Variants in DMD observed in about 807,000 individuals in gnomAD.
DMD encodes the protein mutant dystrophin.
DMD carries 63 observed loss-of-function variants against 330.1 expected under a neutral mutation model. The ratio of observed to expected loss-of-function variants is 0.19; its 90% CI spans 0.16 to 0.24. The LOEUF (loss-of-function observed/expected upper bound fraction) is 0.24. Among genes scored for constraint, DMD ranks in the 10% least tolerant of loss-of-function variants. The pLI is 1.00. For missense variants in DMD, 3,344 were observed against 2,684.1 expected (o/e 1.25, Z -5.43); for synonymous variants, 1,223 against 959.8 (o/e 1.27, Z -5.07).
chrX:32,065,760 A>G (rs1173626406), intron 44 of DMD, among the ~76,000 whole-genome samples: 1 of 111,916 alleles, frequency 8.9e-6, no homozygotes, highest in African/African-American at 3.2e-5. Context: ...AAGCAGAAAA[A>G]TAATATTCAT....
chrX:31,304,720 C>CA (rs1403897452), intron 62 of DMD, among the ~76,000 whole-genome samples: 2 of 110,532 alleles, frequency 1.8e-5, no homozygotes, highest in Non-Finnish European at 3.8e-5. Context: ...TTGCCTTTTG[C>CA]AAAACAGAAA....
rs59729782 is a variant in DMD, at chrX:33,129,524, CA to C, written c.31+81757del. Among the ~76,000 whole-genome samples, 621 of 101,491 alleles carry C rather than the reference CA, an allele frequency of 6.1e-3. 6 individuals carry two copies. The highest frequency in any genetic ancestry group is 0.021 in the African/African-American group (581 of 27,624). 88.1% of individuals were successfully genotyped at this position (101,491 alleles called of 115,157 possible). On this transcript the variant is annotated intron_variant, in intron 1 of 78. Transcript: ENST00000357033. ...AGCCACAATTTTACAAGGTTTCAAACAAAAAAAAAAACCCACACCTTGTTTT... is the reference window on the plus strand; with the variant it reads ...AGCCACAATTTTACAAGGTTTCAAACAAAAAAAAAACCCACACCTTGTTTT...
At chrX:32,492,796 T>A (rs964732348) in intron 19 of DMD, among the ~76,000 whole-genome samples, 1 of 112,229 alleles carries the variant, frequency 8.9e-6, no homozygotes, top group Non-Finnish European at 1.9e-5. Flanking sequence ...ATAGCTACAT[T>A]AGCACTGATA....
intron 45 of DMD, among the ~76,000 whole-genome samples, chrX:31,933,505 G>GC (rs200470731): frequency 5.6e-4 from 43 of 76,746 alleles, no homozygotes; most frequent in African/African-American, 3.8e-3. Context: ...TAAAATAATT[G>GC]AAAATTTTTT....
At chrX:31,995,726 C>A (rs990470961) in intron 44 of DMD, among the ~76,000 whole-genome samples, 2 of 111,175 alleles carry the variant, frequency 1.8e-5, no homozygotes, top group African/African-American at 6.6e-5. Flanking sequence ...AATGAGTTTT[C>A]TTTTTTGTGA....
chrX:31,169,400 A>T, intron 74 of DMD, 43 bp downstream of exon 74: 1 of 1,058,787 alleles, frequency 9.4e-7, no homozygotes, highest in East Asian at 3.0e-5. Flanking sequence ...GTGCAAGTGT[A>T]TGCACTCTGC....
At chrX:32,137,326 T>A (rs1053832286) in intron 44 of DMD, among the ~76,000 whole-genome samples, 1 of 111,827 alleles carries the variant, frequency 8.9e-6, no homozygotes, top group Non-Finnish European at 1.9e-5. Context: ...CCTTCAAGAA[T>A]CTTAAACCCA....
At chrX:32,095,551 A>G (rs2148039600) in intron 44 of DMD, among the ~76,000 whole-genome samples, 1 of 112,137 alleles carries the variant, frequency 8.9e-6, no homozygotes, top group Non-Finnish European at 1.9e-5. Flanking sequence ...TTAGTAAATT[A>G]TGGATAAAAG....
At chrX:32,339,541 G>T (rs1007978382) in intron 41 of DMD, among the ~76,000 whole-genome samples, 3 of 111,302 alleles carry the variant, frequency 2.7e-5, no homozygotes, top group Admixed American at 9.6e-5. Context: ...CTGCATTCCT[G>T]TGTGGCTGGG....
At chrX:31,155,413 C>G (rs373900713) in intron 74 of DMD, among the ~76,000 whole-genome samples, 1 of 112,288 alleles carries the variant, frequency 8.9e-6, no homozygotes, top group Non-Finnish European at 1.9e-5. Flanking sequence ...TATACCAAAG[C>G]ATGAGCACAC....
At chrX:32,192,877 A>C (rs1188075474) in intron 44 of DMD, among the ~76,000 whole-genome samples, 1 of 112,175 alleles carries the variant, frequency 8.9e-6, no homozygotes, top group Non-Finnish European at 1.9e-5. Context: ...TTTCTGATTA[A>C]ACATGGATAT....
intron 9 of DMD, among the ~76,000 whole-genome samples, chrX:32,660,337 A>T (rs373674075): frequency 1.8e-5 from 2 of 111,231 alleles, no homozygotes; most frequent in South Asian, 3.8e-4. Flanking sequence ...ATATGTACAG[A>T]TATGTGTATA....
At chrX:33,036,102 T>A (rs191876874) in intron 1 of DMD, among the ~76,000 whole-genome samples, 207 of 109,742 alleles carry the variant, frequency 1.9e-3, no homozygotes, top group Non-Finnish European at 3.5e-3. Flanking sequence ...ATTAGTATGA[T>A]GCTTTAGGAT....
At chrX:32,047,690 G>C (rs1208529633) in intron 44 of DMD, among the ~76,000 whole-genome samples, 1 of 111,213 alleles carries the variant, frequency 9.0e-6, no homozygotes, top group Non-Finnish European at 1.9e-5. Context: ...ATGTGAAGTA[G>C]TTGCCAAGAC....
At chrX:32,359,223 G>A (rs1431182571) in intron 37 of DMD, among the ~76,000 whole-genome samples, 3 of 111,774 alleles carry the variant, frequency 2.7e-5, no homozygotes, top group Non-Finnish European at 5.6e-5. Flanking sequence ...CTGGGCTTCG[G>A]AATTTCTTGT....
chrX:33,334,867 T>G (rs940236706), intron 1 of DMD, among the ~76,000 whole-genome samples: 1 of 111,324 alleles, frequency 9.0e-6, no homozygotes, highest in African/African-American at 3.2e-5. Context: ...CAATTTCCAT[T>G]TAGTGCAGAA....
intron 1 of DMD, among the ~76,000 whole-genome samples, chrX:33,089,844 G>A (rs1185369693): frequency 1.8e-5 from 2 of 111,525 alleles, no homozygotes; most frequent in Non-Finnish European, 3.8e-5. Flanking sequence ...GGAGAAAAAT[G>A]AAGTAGAGCA....
rs2080881714 is a variant in DMD, at chrX:31,657,920, C to T, written c.8027+70G>A. On this transcript the variant is annotated intron_variant, in intron 54 of 78. Coordinates refer to ENST00000357033, the MANE Select transcript of DMD (RefSeq NM_004006.3). ...TAGCTGGATTGGAAAAACAAATCCT[C>T]ATGGTCCATCCAGTTTCACCACCCC... 2.5e-5 allele frequency: 27 copies of T among 1,101,096 alleles called. No homozygotes were observed. In the South Asian group the frequency reaches 4.5e-4, roughly 18 times the overall value. The allele number at this position is 1,101,096 out of a possible 1,213,427, so 90.7% of individuals were successfully genotyped here. A position where few individuals can be genotyped will look rare whatever the true frequency, so the allele number is the denominator to read the frequency against.
chrX:32,113,150 T>C (rs1236247301), intron 44 of DMD, among the ~76,000 whole-genome samples: 2 of 112,897 alleles, frequency 1.8e-5, no homozygotes, highest in Admixed American at 9.3e-5. Flanking sequence ...ATAGTTACGT[T>C]TGCACCTGCA....
Sources: allele counts gnomAD v4.1 joint callset (sites outside exome capture counted in the v4.1 genomes callset), GRCh38; gene constraint gnomAD v4.1.1; transcripts MANE v1.5; gene names NCBI Gene and HGNC (gene_info 2026-07-23, HGNC 2026-07-21).